Variants in SNRNP70 observed in about 807,000 individuals in gnomAD.
SNRNP70 encodes the protein U1 small nuclear ribonucleoprotein 70 kDa.
In SNRNP70, 8 loss-of-function variants were observed where a neutral mutation model predicts 50.5. That is an observed-to-expected ratio of 0.16 (90% confidence interval 0.09 to 0.29). The LOEUF (loss-of-function observed/expected upper bound fraction) is 0.29. Ranked by LOEUF, SNRNP70 falls within the 10% of genes least tolerant of loss-of-function variation. The pLI is 1.00. For missense variants in SNRNP70, 529 were observed against 663.5 expected (o/e 0.80, Z 2.23); for synonymous variants, 320 against 252.9 (o/e 1.27, Z -2.52).
Position 49,085,473 on chromosome 19 carries a change from G to C in SNRNP70, c.-174G>C, listed in dbSNP as rs1053935078. The stretch of plus-strand genomic sequence containing the variant: ...TCCAGTCGCTATCGGAGGCCGCGCG[G>C]GTGGCTGAGCAGCGGCCTGGTGCGC... On this transcript the variant is annotated 5_prime_UTR_variant, in exon 1 of 10. Coordinates refer to ENST00000598441, the MANE Select transcript of SNRNP70 (RefSeq NM_003089.6). 4.6e-6 allele frequency: 2 copies of C among 438,492 alleles called. No individual in the cohort carries two copies. The highest frequency in any genetic ancestry group is 4.1e-5 in the African/African-American group (2 of 49,284). The allele number at this position is 438,492 out of a possible 1,614,324, so 27.2% of individuals were successfully genotyped here.
chr19:49,096,304 G>A (rs924223331), intron 4 of SNRNP70, among the ~76,000 whole-genome samples: 1 of 151,776 alleles, frequency 6.6e-6, no homozygotes, highest in African/African-American at 2.4e-5. Context: ...TGATCCGTCC[G>A]CCTTAGCCTC....
chr19:49,099,211 C>T (rs142908330), intron 6 of SNRNP70, among the ~76,000 whole-genome samples: 1 of 152,310 alleles, frequency 6.6e-6, no homozygotes, highest in Non-Finnish European at 1.5e-5. Context: ...GTAGTGAGGG[C>T]TTGAGGCCAT....
intron 2 of SNRNP70, 77 bp downstream of exon 2, chr19:49,086,638 C>A: frequency 7.3e-7 from 1 of 1,368,516 alleles, no homozygotes; most frequent in Non-Finnish European, 1.0e-6. Flanking sequence ...CAGCTTCTGG[C>A]CATTTTGCCA....
chr19:49,108,119 G>T lies in SNRNP70; in HGVS notation c.990G>T (p.Gly330=), dbSNP rs545426434. The change falls in exon 10 of 10, where the codon GGG becomes GGT. Residue 330 remains glycine (G), a synonymous_variant. Transcript: ENST00000598441. ...CGGGTGACGCGCCCCCTGATGATGG[G>T]CCTCCAGGGGAGCTCGGGCCTGACG... ...SEAGDAPPDD[G]PPGELGPDGP... 3.2e-6 allele frequency: 5 copies of T among 1,546,850 alleles called. No homozygotes were observed. The East Asian group carries it at 1.2e-4, about 37-fold the overall frequency.
rs1436998611 is a variant in SNRNP70 at position 49,107,905 on chromosome 19, C to CCCGGGA, written c.781_786dup (p.Asp261_Arg262dup). 1.3e-6 allele frequency: 2 copies of CCCGGGA among 1,548,048 alleles called. No individual in the cohort carries two copies. The highest frequency in any genetic ancestry group is 1.4e-5 in the African/African-American group (1 of 72,862). Reference sequence around the variant, plus strand: ...GAGCGAGAACGGCGACGCTCCCGCTCCCGGGACCGGCGGAGGCGCTCACGG... The same window carrying CCCGGGA: ...GAGCGAGAACGGCGACGCTCCCGCTCCCGGGACCGGGACCGGCGGAGGCGCTCACGG... On this transcript the variant is annotated inframe_insertion, in exon 10 of 10. Coordinates refer to ENST00000598441, the MANE Select transcript of SNRNP70 (RefSeq NM_003089.6). This position sits in a 1 kb window ranked among gnomAD's most constrained non-coding sequence, Gnocchi z 6.0.
chr19:49,092,528 C>A (rs1229009725), intron 4 of SNRNP70, among the ~76,000 whole-genome samples: 1 of 152,098 alleles, frequency 6.6e-6, no homozygotes, highest in Non-Finnish European at 1.5e-5. Context: ...CCTGCCTCAG[C>A]CTTCTGAGCA....
In SNRNP70 at chr19:49,108,389, C is replaced by T. The variant is rs1302986941; in HGVS notation, c.1260C>T (p.Gly420=). 3.1e-6 allele frequency: 5 copies of T among 1,611,146 alleles called. No homozygotes were observed. Among genetic ancestry groups the T allele is most frequent in the East Asian group, 2.2e-5 (1 of 44,736 alleles). The change falls in exon 10 of 10, where the codon GGC becomes GGT. Residue 420 remains glycine (G), a synonymous_variant. Coordinates refer to ENST00000598441, the MANE Select transcript of SNRNP70 (RefSeq NM_003089.6). ...ACATGTACATGGAGTCTGAGGGCGG[C>T]GACGGCTACCTGGCTCCGGAGAATG... The part of the protein sequence containing the change: ...SRDMYMESEG[G]DGYLAPENGY...
At chr19:49,098,848 T>C (rs1306839256) in intron 6 of SNRNP70, 144 bp downstream of exon 6, 9 of 711,258 alleles carry the variant, frequency 1.3e-5, no homozygotes, top group Non-Finnish European at 2.3e-5. Context: ...TGTATCTCCA[T>C]GCAGCAGACC....
chr19:49,101,909 C>T (rs1019672326), intron 7 of SNRNP70, among the ~76,000 whole-genome samples: 20 of 152,086 alleles, frequency 1.3e-4, no homozygotes, highest in Non-Finnish European at 2.5e-4. Context: ...CCCGACCCTC[C>T]GCTTCCCCAA....
rs2040638577 is a variant in SNRNP70 at position 49,104,490 on chromosome 19, T to G, written c.476-144T>G. 2 of 670,256 alleles carry G rather than the reference T, an allele frequency of 3.0e-6. No individual in the cohort carries two copies. The highest frequency in any genetic ancestry group is 3.3e-5 in the South Asian group (2 of 60,558). The allele number at this position is 670,256 out of a possible 1,614,324, so 41.5% of individuals were successfully genotyped here. A position where few individuals can be genotyped will look rare whatever the true frequency, so the allele number is the denominator to read the frequency against. ...CGGTTTGGGAGAGGGTTGGTCTGGCTGTCAGTTGCCTGGCTGTCTGTTGGG... is the reference window on the plus strand; with the variant it reads ...CGGTTTGGGAGAGGGTTGGTCTGGCGGTCAGTTGCCTGGCTGTCTGTTGGG... On this transcript the variant is annotated intron_variant, in intron 7 of 9. Transcript: ENST00000598441. This position sits in a 1 kb window ranked among gnomAD's most constrained non-coding sequence, Gnocchi z 5.4.
At chr19:49,092,098 T>TTTTGTTTG (rs146031499) in intron 4 of SNRNP70, among the ~76,000 whole-genome samples, 8 of 151,738 alleles carry the variant, frequency 5.3e-5, no homozygotes, top group South Asian at 2.1e-4. Flanking sequence ...ACCTATGTCT[T>TTTTGTTTG]TTTGTTTGTT....
chr19:49,106,623 A>G (rs560090034), intron 8 of SNRNP70, among the ~76,000 whole-genome samples: 2 of 152,276 alleles, frequency 1.3e-5, no homozygotes, highest in African/African-American at 4.8e-5. Flanking sequence ...AAGCTTTTCC[A>G]GGCAGTGCGA....
At chr19:49,101,366 C>A in intron 6 of SNRNP70, 24 bp from the exon 7 acceptor site, 2 of 1,599,454 alleles carry the variant, frequency 1.3e-6, no homozygotes, top group Non-Finnish European at 1.7e-6. Flanking sequence ...GCAGGACTCA[C>A]CCCTGTCCCC....
chr19:49,095,640 C>G (rs568108699), intron 4 of SNRNP70, among the ~76,000 whole-genome samples: 1 of 151,074 alleles, frequency 6.6e-6, no homozygotes, highest in East Asian at 1.9e-4. Context: ...CTGGTTCAAG[C>G]GATTCTCTTG....
chr19:49,101,876 C>G (rs74459731), intron 7 of SNRNP70, among the ~76,000 whole-genome samples: 147 of 152,082 alleles, frequency 9.7e-4, no homozygotes, highest in African/African-American at 3.2e-3. Context: ...TCTTCCCCCC[C>G]CAGTAGAACT....
chr19:49,095,784 C>T (rs184060795), intron 4 of SNRNP70, among the ~76,000 whole-genome samples: 2 of 152,180 alleles, frequency 1.3e-5, no homozygotes, highest in Admixed American at 1.3e-4. Flanking sequence ...GCCTTGGCCT[C>T]CCAAAGTGCT....
chr19:49,094,991 G>T (rs777263012), intron 4 of SNRNP70, among the ~76,000 whole-genome samples: 21 of 152,246 alleles, frequency 1.4e-4, no homozygotes, highest in Non-Finnish European at 2.6e-4. Context: ...CCCTCAACCA[G>T]TGATGTCCTG....
chr19:49,106,080 TC>T (rs1200675073), intron 8 of SNRNP70, among the ~76,000 whole-genome samples: 1 of 152,156 alleles, frequency 6.6e-6, no homozygotes, highest in Non-Finnish European at 1.5e-5. Context: ...CTGTCCTGCC[TC>T]CCAGCCCTGT....
At chr19:49,093,998 G>C (rs978926732) in intron 4 of SNRNP70, among the ~76,000 whole-genome samples, 3 of 152,108 alleles carry the variant, frequency 2.0e-5, no homozygotes, top group Admixed American at 6.6e-5. Flanking sequence ...ACTCCAGCCC[G>C]GGCAATAAGA....
Sources: allele counts gnomAD v4.1 joint callset (sites outside exome capture counted in the v4.1 genomes callset), GRCh38; gene constraint gnomAD v4.1.1; non-coding constraint Gnocchi (gnomAD v3.1); transcripts MANE v1.5; gene names NCBI Gene and HGNC (gene_info 2026-07-23, HGNC 2026-07-21).